SPOCK3: variants seen among roughly 807,000 people sequenced by gnomAD.
SPOCK3 encodes testican-3.
SPOCK3 carries 30 observed loss-of-function variants against 56.6 expected under a neutral mutation model. That is an observed-to-expected ratio of 0.53 (90% CI 0.40 to 0.72). SPOCK3 has a LOEUF of 0.72. Ranked by LOEUF, SPOCK3 falls within the 30% of genes least tolerant of loss-of-function variation. SPOCK3 has a pLI of 0.00. For synonymous variants in SPOCK3, 196 were observed against 183.3 expected (o/e 1.07, Z -0.56); for missense variants, 527 against 530.0 (o/e 0.99, Z 0.06).
intron 2 of SPOCK3, among the ~76,000 whole-genome samples, chr4:167,194,869 G>A (rs1166044723): frequency 6.6e-6 from 1 of 152,166 alleles, no homozygotes; most frequent in African/African-American, 2.4e-5. Context: ...ACCATGGCTT[G>A]GATGGATATG....
intron 4 of SPOCK3, among the ~76,000 whole-genome samples, chr4:166,969,955 A>G (rs892572486): frequency 2.0e-5 from 3 of 152,204 alleles, no homozygotes; most frequent in African/African-American, 7.2e-5. Flanking sequence ...TGATTTTTCT[A>G]TGTCAATATA....
intron 6 of SPOCK3, among the ~76,000 whole-genome samples, chr4:166,796,100 C>T (rs1177350247): frequency 6.6e-6 from 1 of 152,072 alleles, no homozygotes; most frequent in Non-Finnish European, 1.5e-5. Context: ...GATCAGATAC[C>T]GAATTTGCTG....
chr4:167,018,156 T>G (rs181456943), intron 3 of SPOCK3, among the ~76,000 whole-genome samples: 51 of 152,250 alleles, frequency 3.3e-4, no homozygotes, highest in Non-Finnish European at 5.9e-4. Context: ...AGAGTACAAG[T>G]ATTAATAAAA....
At chr4:167,070,448 T>C (rs1010676807) in intron 2 of SPOCK3, among the ~76,000 whole-genome samples, 1 of 151,964 alleles carries the variant, frequency 6.6e-6, no homozygotes, top group Non-Finnish European at 1.5e-5. Flanking sequence ...AATATAATGA[T>C]TTTGTAACTC....
At position 167,052,997 on chromosome 4, in the gene SPOCK3, A is replaced by G. The variant is rs116909839; in HGVS notation, c.235+9495T>C. Among the ~76,000 whole-genome samples the G allele has an allele frequency of 3.2e-4, 49 of 152,312 alleles. 1 individual carries two copies. The East Asian group carries it at 8.9e-3, about 28-fold the overall frequency. On this transcript the variant is annotated intron_variant, in intron 3 of 10. Transcript: ENST00000357545. ...ACAGCTCTGTTCACTGAAGGGAATA[A>G]AAGCTCCAGATGAAATCTTAACAGC...
At chr4:166,811,888 T>A (rs140320972) in intron 6 of SPOCK3, among the ~76,000 whole-genome samples, 1 of 151,888 alleles carries the variant, frequency 6.6e-6, no homozygotes, top group Non-Finnish European at 1.5e-5. Flanking sequence ...ATGTTTTCAT[T>A]TTATTATTTA....
chr4:166,855,051 G>A (rs553809413), intron 6 of SPOCK3, among the ~76,000 whole-genome samples: 26 of 152,006 alleles, frequency 1.7e-4, no homozygotes, highest in Non-Finnish European at 3.2e-4. Flanking sequence ...CCATCCCTGC[G>A]AACAATTGTT....
intron 6 of SPOCK3, among the ~76,000 whole-genome samples, chr4:166,808,813 T>C (rs891440949): frequency 2.5e-4 from 38 of 152,218 alleles, no homozygotes; most frequent in African/African-American, 8.7e-4. Context: ...AGTCCTCATC[T>C]ACAAACAGAG....
chr4:167,073,727 T>C (rs1478111890), intron 2 of SPOCK3, among the ~76,000 whole-genome samples: 1 of 151,928 alleles, frequency 6.6e-6, no homozygotes, highest in Non-Finnish European at 1.5e-5. Flanking sequence ...ATTTCATTGT[T>C]GTTATTTGGT....
intron 4 of SPOCK3, among the ~76,000 whole-genome samples, chr4:166,976,351 T>A (rs1354485751): frequency 2.6e-5 from 4 of 152,114 alleles, no homozygotes; most frequent in African/African-American, 9.7e-5. Flanking sequence ...CATCAACATC[T>A]CCCACCTGAA....
At chr4:166,788,118 G>T (rs1271841929) in intron 7 of SPOCK3, among the ~76,000 whole-genome samples, 19 of 152,200 alleles carry the variant, frequency 1.2e-4, no homozygotes. Flanking sequence ...GGAGGCGGAG[G>T]TTGCAGTGAG....
intron 3 of SPOCK3, among the ~76,000 whole-genome samples, chr4:167,008,298 A>G (rs958014252): frequency 3.9e-5 from 6 of 152,036 alleles, no homozygotes; most frequent in African/African-American, 9.7e-5. Flanking sequence ...CTACTGTAAT[A>G]TAAATATATA....
At chr4:167,066,916 G>T (rs555660182) in intron 2 of SPOCK3, among the ~76,000 whole-genome samples, 1 of 151,926 alleles carries the variant, frequency 6.6e-6, no homozygotes, top group South Asian at 2.1e-4. Context: ...GAGGTGGGTC[G>T]GAAGGATAAG....
intron 6 of SPOCK3, among the ~76,000 whole-genome samples, chr4:166,837,005 A>T: frequency 6.6e-6 from 1 of 152,206 alleles, no homozygotes; most frequent in East Asian, 1.9e-4. Flanking sequence ...TCTCGCTCCC[A>T]TTGCAAGACC....
rs182960678 is a variant in SPOCK3, at chr4:167,069,414, C to T, written c.190-6877G>A. ...CTCAGCATCCATTTTACTGCCATCA[C>T]TTTAGAGACTCAAAGTGAGAAGCAG... On this transcript the variant is annotated intron_variant, in intron 2 of 10. Transcript: ENST00000357545. Among the ~76,000 whole-genome samples the T allele has an allele frequency of 1.2e-4, 18 of 151,992 alleles. No individual in the cohort carries two copies. In the East Asian group the frequency reaches 2.7e-3, roughly 23 times the overall value.
intron 2 of SPOCK3, among the ~76,000 whole-genome samples, chr4:167,152,841 G>T (rs1238903539): frequency 6.6e-6 from 1 of 151,828 alleles, no homozygotes; most frequent in African/African-American, 2.4e-5. Context: ...TTTAAAATTT[G>T]CTCCAAATAT....
chr4:166,879,405 G>A lies in SPOCK3; in HGVS notation c.589+9725C>T, dbSNP rs189604383. On this transcript the variant is annotated intron_variant, in intron 6 of 10. Coordinates refer to ENST00000357545, the MANE Select transcript of SPOCK3 (RefSeq NM_001040159.2). ...AAATAAATTAGCCAGGCATGGTGGC[G>A]TGCACTTATAGTTCTAGCTACTCAG... 1.4e-3 allele frequency among the ~76,000 whole-genome samples: 213 copies of A among 152,060 alleles called. 1 individual carries two copies. Among genetic ancestry groups the A allele is most frequent in the African/African-American group, 4.9e-3 (204 of 41,484 alleles).
chr4:166,744,831 G>A (rs550047675), intron 8 of SPOCK3, among the ~76,000 whole-genome samples: 97 of 152,218 alleles, frequency 6.4e-4, no homozygotes, highest in African/African-American at 1.7e-3. Context: ...TGAGAACTAC[G>A]TGATGCGTGC....
chr4:166,890,829 ATCTG>A (rs1029559992), intron 5 of SPOCK3, among the ~76,000 whole-genome samples: 9 of 151,924 alleles, frequency 5.9e-5, no homozygotes, highest in African/African-American at 1.4e-4. Flanking sequence ...TGTCTCGTTG[ATCTG>A]TCTAAGATTG....
Sources: gnomAD v4.1 joint callset for allele counts (sites outside exome capture counted in the v4.1 genomes callset) on GRCh38, gnomAD v4.1.1 for gene constraint, MANE v1.5 for transcripts, NCBI Gene and HGNC (gene_info 2026-07-23, HGNC 2026-07-21) for gene names.